MYT1L: variants seen among roughly 807,000 people sequenced by gnomAD.
The protein encoded by MYT1L is myelin transcription factor 1-like protein.
Under a neutral mutation model 126.7 loss-of-function variants are expected in MYT1L, and 12 were observed. That is an observed-to-expected ratio of 0.09 (90% CI 0.06 to 0.15). The LOEUF is 0.15. Ranked by LOEUF, MYT1L falls within the 10% of genes least tolerant of loss-of-function variation. The pLI is 1.00. For missense variants in MYT1L, 979 were observed against 1,585.2 expected (o/e 0.62, Z 6.49); for synonymous variants, 541 against 604.2 (o/e 0.90, Z 1.53).
chr2:2,202,691 G>A lies in MYT1L; in HGVS notation c.-420-29703C>T, dbSNP rs192300639. On this transcript the variant is annotated intron_variant, in intron 2 of 24. Transcript: ENST00000647738. ...GATTCACAGCCGAATTCTACCAGAG[G>A]TACAAGGAGGAGCTGGTACCATTCC... is the stretch of plus-strand genomic sequence containing the variant. Among the ~76,000 whole-genome samples the A allele has an allele frequency of 4.4e-3, 673 of 152,258 alleles. 4 individuals are homozygous for A. The highest frequency in any genetic ancestry group is 0.015 in the African/African-American group (633 of 41,560).
intron 2 of MYT1L, among the ~76,000 whole-genome samples, chr2:2,240,327 A>T (rs2094413910): frequency 6.6e-6 from 1 of 152,150 alleles, no homozygotes; most frequent in Admixed American, 6.5e-5. Flanking sequence ...TAAATTTACT[A>T]TGTGACATAT....
At chr2:2,180,776 G>A (rs751203394) in intron 2 of MYT1L, among the ~76,000 whole-genome samples, 3 of 151,004 alleles carry the variant, frequency 2.0e-5, no homozygotes, top group African/African-American at 7.3e-5. Flanking sequence ...ACCTGTATTT[G>A]TACCTGTGTG....
At chr2:2,043,379 A>C (rs2067776549) in intron 4 of MYT1L, among the ~76,000 whole-genome samples, 1 of 152,238 alleles carries the variant, frequency 6.6e-6, no homozygotes, top group South Asian at 2.1e-4. Context: ...TGTTGTTATC[A>C]GTTCTCACCA....
intron 2 of MYT1L, among the ~76,000 whole-genome samples, chr2:2,251,917 AAG>A (rs2094663138): frequency 6.6e-6 from 1 of 151,926 alleles, no homozygotes; most frequent in Non-Finnish European, 1.5e-5. Flanking sequence ...AAGAAAAAGA[AAG>A]AAAGAAAGAA....
chr2:2,295,605 C>CAGACAGACAGAGAGAG lies in MYT1L; in HGVS notation c.-520-11103_-520-11102insCTCTCTCTGTCTGTCT, dbSNP rs2095666324. Among the ~76,000 whole-genome samples the CAGACAGACAGAGAGAG allele has an allele frequency of 4.1e-4, 4 of 9,692 alleles. 1 individual carries two copies. Among genetic ancestry groups the CAGACAGACAGAGAGAG allele is most frequent in the Admixed American group, 1.2e-3 (1 of 816 alleles). The allele number at this position is 9,692 out of a possible 152,430, so 6.4% of individuals were successfully genotyped here. On this transcript the variant is annotated intron_variant, in intron 1 of 24. Coordinates refer to ENST00000647738, the MANE Select transcript of MYT1L (RefSeq NM_001303052.2). ...AGAGACAGACAGACAGAGAGAGAGA[C>CAGACAGACAGAGAGAG]AGACAGAGAGAGAGAGAGAGACAGA...
rs909743404 is a variant in MYT1L, at chr2:1,912,374, G to A, written c.1619-264C>T. 3.9e-5 allele frequency among the ~76,000 whole-genome samples: 6 copies of A among 152,168 alleles called. No homozygotes were observed. Among genetic ancestry groups the A allele is most frequent in the African/African-American group, 7.2e-5 (3 of 41,448 alleles). ...GAAAGGCCAGAGAAAGAAGGTTGAC[G>A]GGACTCTATGCTAAGGGCCTCACAC... On this transcript the variant is annotated intron_variant, in intron 11 of 24. Transcript: ENST00000647738. The surrounding 1 kb of genome is among the most constrained non-coding windows in gnomAD (Gnocchi z 4.3).
intron 21 of MYT1L, among the ~76,000 whole-genome samples, chr2:1,833,405 G>A (rs1057065447): frequency 2.0e-5 from 3 of 152,110 alleles, no homozygotes; most frequent in Non-Finnish European, 4.4e-5. Flanking sequence ...TCATGGCCTG[G>A]TACTGTCCTC....
chr2:2,135,985 C>A (rs184550851), intron 3 of MYT1L, among the ~76,000 whole-genome samples: 1 of 152,256 alleles, frequency 6.6e-6, no homozygotes, highest in African/African-American at 2.4e-5. Flanking sequence ...AAATGTTCAT[C>A]AGTGATAGAC....
intron 1 of MYT1L, among the ~76,000 whole-genome samples, chr2:2,309,434 C>A (rs927612572): frequency 2.6e-5 from 4 of 151,776 alleles, no homozygotes; most frequent in Non-Finnish European, 5.9e-5. Context: ...GCTTCATCTG[C>A]ACTTTGGTAT....
At chr2:1,952,751 TC>T (rs2057915141) in intron 8 of MYT1L, among the ~76,000 whole-genome samples, 1 of 67,530 alleles carries the variant, frequency 1.5e-5, no homozygotes, top group African/African-American at 6.7e-5. Context: ...TTCCCTTCCC[TC>T]CCTTCCCTCC....
intron 1 of MYT1L, among the ~76,000 whole-genome samples, chr2:2,300,194 A>G (rs2095761959): frequency 6.6e-6 from 1 of 152,248 alleles, no homozygotes. Flanking sequence ...ACCTAAAGAC[A>G]TTCAAATAAA....
At chr2:2,264,562 G>GCATCGAAGCA (rs1257211141) in intron 2 of MYT1L, among the ~76,000 whole-genome samples, 2 of 152,158 alleles carry the variant, frequency 1.3e-5, no homozygotes, top group Non-Finnish European at 1.5e-5. Flanking sequence ...AATTCTGCGG[G>GCATCGAAGCA]GTTGGCTTCG....
intron 19 of MYT1L, among the ~76,000 whole-genome samples, chr2:1,851,409 G>A (rs1219551400): frequency 6.6e-6 from 1 of 152,146 alleles, no homozygotes; most frequent in Admixed American, 6.5e-5. Flanking sequence ...GGGGCCACTT[G>A]CACTGCATGT....
chr2:1,840,597 G>T (rs992378133), intron 20 of MYT1L, among the ~76,000 whole-genome samples, 163 bp downstream of exon 20: 7 of 152,148 alleles, frequency 4.6e-5, no homozygotes, highest in Non-Finnish European at 1.0e-4. Context: ...GATGTGCTTT[G>T]GTTTGGGTCT....
At chr2:1,949,434 C>A (rs988595209) in intron 8 of MYT1L, among the ~76,000 whole-genome samples, 13 of 152,050 alleles carry the variant, frequency 8.5e-5, no homozygotes, top group Admixed American at 8.5e-4. Flanking sequence ...CTCACGATGT[C>A]TTTTTGCTGT....
chr2:2,232,628 A>G (rs1392110592), intron 2 of MYT1L, among the ~76,000 whole-genome samples: 1 of 152,186 alleles, frequency 6.6e-6, no homozygotes, highest in South Asian at 2.1e-4. Context: ...AGGAAGGAAA[A>G]CTCATTCATT....
chr2:2,073,463 T>C (rs184806468), intron 3 of MYT1L, among the ~76,000 whole-genome samples: 18 of 152,256 alleles, frequency 1.2e-4, no homozygotes, highest in Admixed American at 1.0e-3. Flanking sequence ...CTAACATTGA[T>C]GGCTCTACAG....
At chr2:1,955,926 A>G (rs2058301365) in intron 8 of MYT1L, among the ~76,000 whole-genome samples, 1 of 152,204 alleles carries the variant, frequency 6.6e-6, no homozygotes, top group African/African-American at 2.4e-5. Context: ...AAGTCACCAC[A>G]TGTGGAAATA....
chr2:2,055,861 G>A (rs1170806986), intron 3 of MYT1L, among the ~76,000 whole-genome samples: 1 of 152,188 alleles, frequency 6.6e-6, no homozygotes, highest in East Asian at 1.9e-4. Flanking sequence ...TTGTTAGCAT[G>A]TTCTATAGAT....
Sources: allele counts gnomAD v4.1 joint callset (sites outside exome capture counted in the v4.1 genomes callset), GRCh38; gene constraint gnomAD v4.1.1; non-coding constraint Gnocchi (gnomAD v3.1); transcripts MANE v1.5; gene names NCBI Gene and HGNC (gene_info 2026-07-23, HGNC 2026-07-21).